The following SHB variants were observed in gnomAD, a reference collection of about 807,000 sequenced individuals.
SHB encodes SH2 domain-containing adapter protein B.
Under a neutral mutation model 52.3 loss-of-function variants are expected in SHB, and 20 were observed. That is an observed-to-expected ratio of 0.38 (90% CI 0.27 to 0.56). The LOEUF is 0.56. Among genes scored for constraint, SHB ranks in the 20% least tolerant of loss-of-function variants. The pLI is 0.71. For missense variants in SHB, 825 were observed against 723.3 expected (o/e 1.14, Z -1.61); for synonymous variants, 397 against 316.5 (o/e 1.25, Z -2.70).
chr9:37,982,692 G>A (rs1483369320), intron 2 of SHB, among the ~76,000 whole-genome samples: 2 of 151,984 alleles, frequency 1.3e-5, no homozygotes, highest in Non-Finnish European at 2.9e-5. Flanking sequence ...CTAGCTACTC[G>A]GGAGGCTGAG....
intron 2 of SHB, among the ~76,000 whole-genome samples, chr9:37,991,319 C>T (rs1161997141): frequency 6.6e-6 from 1 of 152,166 alleles, no homozygotes; most frequent in African/African-American, 2.4e-5. Flanking sequence ...TGCACGCTCT[C>T]CTCAGGGCTC....
At chr9:38,065,188 T>C (rs1007831739) in intron 1 of SHB, among the ~76,000 whole-genome samples, 4 of 152,172 alleles carry the variant, frequency 2.6e-5, no homozygotes, top group African/African-American at 9.7e-5. Context: ...GGATCTACAG[T>C]GTGCCTGGCC....
chr9:38,040,492 C>T (rs1487277351), intron 1 of SHB, among the ~76,000 whole-genome samples: 1 of 152,190 alleles, frequency 6.6e-6, no homozygotes, highest in African/African-American at 2.4e-5. Context: ...GCCAGAGCTC[C>T]GCTGCTCTGC....
chr9:38,068,403 G>C lies in SHB; in HGVS notation c.243C>G (p.Ile81Met), dbSNP rs1822005172. Residue 81 changes from isoleucine (I) to methionine (M), a missense_variant, in exon 1 of 6, where the codon ATC (isoleucine) becomes ATG (methionine). Coordinates refer to ENST00000377707, the MANE Select transcript of SHB (RefSeq NM_003028.3). ...PDDSGSTSDL[I>M]RAYRAQKERD... ...GCTCCTTCTGCGCGCGGTAGGCGCG[G>C]ATGAGGTCGCTGGTGCTGCCGCTGT... 17 of 1,574,774 alleles carry C rather than the reference G, an allele frequency of 1.1e-5. No homozygotes were observed. Among genetic ancestry groups the C allele is most frequent in the Non-Finnish European group, 1.5e-5 (17 of 1,164,314 alleles).
At chr9:37,940,099 G>C (rs914480954) in intron 5 of SHB, among the ~76,000 whole-genome samples, 1 of 152,164 alleles carries the variant, frequency 6.6e-6, no homozygotes, top group Non-Finnish European at 1.5e-5. Flanking sequence ...ACTTGTCAGA[G>C]GCAGAGCTAG....
intron 5 of SHB, among the ~76,000 whole-genome samples, chr9:37,922,318 G>C (rs549246772): frequency 2.6e-5 from 4 of 152,374 alleles, no homozygotes; most frequent in African/African-American, 7.2e-5. Flanking sequence ...CAAGGGAAGT[G>C]GACAGTGATA....
chr9:38,041,215 A>C, intron 1 of SHB, among the ~76,000 whole-genome samples: 1 of 152,162 alleles, frequency 6.6e-6, no homozygotes, highest in East Asian at 1.9e-4. Flanking sequence ...CCTTTTCCCT[A>C]ATCAAGAGCC....
intron 1 of SHB, among the ~76,000 whole-genome samples, chr9:38,055,426 T>C (rs912090001): frequency 9.2e-5 from 14 of 152,170 alleles, no homozygotes; most frequent in Admixed American, 9.2e-4. Flanking sequence ...CCTGGGTTGA[T>C]GGTGGGCCGA....
At chr9:37,936,128 A>G (rs1017522158) in intron 5 of SHB, among the ~76,000 whole-genome samples, 1 of 152,064 alleles carries the variant, frequency 6.6e-6, no homozygotes, top group African/African-American at 2.4e-5. Flanking sequence ...AGGCAGGAGA[A>G]TTGCTTGAAC....
At chr9:37,951,862 A>G (rs74755693) in intron 4 of SHB, among the ~76,000 whole-genome samples, 11,386 of 152,274 alleles carry the variant, frequency 0.075, 495 homozygotes, top group South Asian at 0.11. Flanking sequence ...TGTCAGCAGG[A>G]GGCTGGAGAC....
Position 38,068,241 on chromosome 9 carries a change from G to T in SHB, c.405C>A (p.Gly135=). The T allele has an allele frequency of 7.1e-7, 1 of 1,400,542 alleles. No homozygotes were observed. Among genetic ancestry groups the T allele is most frequent in the Non-Finnish European group, 9.2e-7 (1 of 1,089,504 alleles). 86.8% of individuals were successfully genotyped at this position (1,400,542 alleles called of 1,614,324 possible). A position where few individuals can be genotyped will look rare whatever the true frequency, so the allele number is the denominator to read the frequency against. Residue 135 remains glycine (G), a synonymous_variant, in exon 1 of 6, where the codon GGC becomes GGA. Coordinates refer to ENST00000377707, the MANE Select transcript of SHB (RefSeq NM_003028.3). ...AGGAGGCGCAGCAACAGCCCGCGGCGCCCGACGCGGACGAGGCCGAGAAGG... is the reference window on the plus strand; with the variant it reads ...AGGAGGCGCAGCAACAGCCCGCGGCTCCCGACGCGGACGAGGCCGAGAAGG... ...QRAFSASSAS[G]AAGCCCASSG... is the part of the protein sequence containing the mutation.
rs1065372 is a variant in SHB, at chr9:38,068,375, C to T, written c.271G>A (p.Asp91Asn). 6.4e-7 allele frequency: 1 copy of T among 1,571,304 alleles called. No individual in the cohort carries two copies. Among genetic ancestry groups the T allele is most frequent in the Non-Finnish European group, 8.6e-7 (1 of 1,162,582 alleles). Residue 91 changes from aspartate to asparagine, a missense_variant, in exon 1 of 6, where the codon GAC (aspartate) becomes AAC (asparagine). Asp to Asn is a conservative substitution (Grantham distance 23). Transcript: ENST00000377707. ...GGCCCGTTGTAGGGGTCCTCGAAGT[C>T]TCGCTCCTTCTGCGCGCGGTAGGCG... ...IRAYRAQKER[D>N]FEDPYNGPGS...
chr9:38,025,548 C>T (rs1821330973), intron 1 of SHB, among the ~76,000 whole-genome samples: 1 of 152,202 alleles, frequency 6.6e-6, no homozygotes, highest in African/African-American at 2.4e-5. Flanking sequence ...GAGCTGAAGG[C>T]TGGAAGGGTA....
At chr9:38,002,720 CA>C (rs1821032360) in intron 2 of SHB, among the ~76,000 whole-genome samples, 1 of 152,224 alleles carries the variant, frequency 6.6e-6, no homozygotes, top group African/African-American at 2.4e-5. Context: ...TGCCCAAGTT[CA>C]AGCTTTTCCA....
At chr9:37,934,671 T>C (rs570091632) in intron 5 of SHB, among the ~76,000 whole-genome samples, 1 of 152,344 alleles carries the variant, frequency 6.6e-6, no homozygotes, top group African/African-American at 2.4e-5. Flanking sequence ...AAATGGAACA[T>C]TCAAAGGTCA....
chr9:38,027,975 G>A (rs953910864), intron 1 of SHB, among the ~76,000 whole-genome samples: 8 of 152,036 alleles, frequency 5.3e-5, no homozygotes, highest in Admixed American at 3.9e-4. Context: ...ACTGTGCGGG[G>A]CTCCCATCTG....
intron 2 of SHB, among the ~76,000 whole-genome samples, chr9:37,996,221 C>A (rs1442098577): frequency 6.6e-6 from 1 of 152,258 alleles, no homozygotes; most frequent in East Asian, 1.9e-4. Flanking sequence ...TGTCCACAGG[C>A]TGCATGAAGC....
intron 3 of SHB, among the ~76,000 whole-genome samples, chr9:37,973,508 C>A (rs1421336901): frequency 6.6e-6 from 1 of 152,226 alleles, no homozygotes; most frequent in Non-Finnish European, 1.5e-5. Context: ...CAGGCGTGAG[C>A]CACCGCGCCC....
At chr9:37,964,274 G>A (rs528161868) in intron 3 of SHB, among the ~76,000 whole-genome samples, 3 of 152,336 alleles carry the variant, frequency 2.0e-5, no homozygotes, top group East Asian at 1.9e-4. Flanking sequence ...GCAGGCAAGC[G>A]GGAAGGCTGT....
Sources: allele counts gnomAD v4.1 joint callset (sites outside exome capture counted in the v4.1 genomes callset), GRCh38; gene constraint gnomAD v4.1.1; transcripts MANE v1.5; gene names NCBI Gene and HGNC (gene_info 2026-07-23, HGNC 2026-07-21).